MTTP: variants seen among roughly 807,000 people sequenced by gnomAD.
The protein encoded by MTTP is microsomal triglyceride transfer protein.
In MTTP, 49 loss-of-function variants were observed where a neutral mutation model predicts 90.6. The ratio of observed to expected loss-of-function variants is 0.54; its 90% CI spans 0.43 to 0.69. The LOEUF is 0.69. Ranked by LOEUF, MTTP falls within the 30% of genes least tolerant of loss-of-function variation. The probability of loss-of-function intolerance (pLI) is 0.00; values close to 1 mark genes in which losing one functional copy is unlikely to be tolerated. For synonymous variants in MTTP, 347 were observed against 384.2 expected, an observed-to-expected ratio of 0.90 and a Z score of 1.13; for missense variants, 945 against 1,067.5, an observed-to-expected ratio of 0.89 and a Z score of 1.60.
chr4:99,583,332 T>C, intron 2 of MTTP, 42 bp from the exon 3 acceptor site: 3 of 1,603,428 alleles, frequency 1.9e-6, no homozygotes, highest in Non-Finnish European at 2.6e-6. Flanking sequence ...TGAAGACAGA[T>C]ATAGGAAGTT....
At chr4:99,596,259 A>G (rs1725549513) in intron 7 of MTTP, among the ~76,000 whole-genome samples, 1 of 152,144 alleles carries the variant, frequency 6.6e-6, no homozygotes, top group African/African-American at 2.4e-5. Context: ...ATTACTATAG[A>G]GTTAGAGAGT....
intron 3 of MTTP, among the ~76,000 whole-genome samples, chr4:99,586,469 T>A (rs937151470): frequency 3.3e-5 from 5 of 152,122 alleles, no homozygotes; most frequent in Non-Finnish European, 7.4e-5. Flanking sequence ...CTTTATTTTG[T>A]ATTGTTTCCG....
In MTTP at chr4:99,583,491, A is replaced by G. The variant is rs148222614; in HGVS notation, c.367A>G (p.Thr123Ala). ...AAACTTGGAAGCTCTGCAAAGACCT[A>G]CGCTCCTTCATCTAATCCATGGAAA... ...KENLEALQRPTLLHLIHGKVK... is the reference protein window; with the variant it reads ...KENLEALQRPALLHLIHGKVK... Residue 123 changes from threonine (T) to alanine (A), a missense_variant, in exon 3 of 18, where the codon ACG becomes GCG. Physicochemically the swap from Thr to Ala is moderately conservative, Grantham distance 58. Transcript: ENST00000265517. 4.3e-6 allele frequency: 7 copies of G among 1,613,530 alleles called. No homozygotes were observed. In the African/African-American group the frequency reaches 6.7e-5, roughly 15 times the overall value.
At position 99,623,162 on chromosome 4, in the gene MTTP, A is replaced by G. The variant is rs886628054; in HGVS notation, c.*314A>G. On this transcript the variant is annotated 3_prime_UTR_variant, in exon 18 of 18. Coordinates refer to ENST00000265517, the MANE Select transcript of MTTP (RefSeq NM_001386140.1). ...ACTAGTGTTTGTTAAAAACAAAAAT[A>G]AAAACAAAACCACACAAGGAGAACC... 2.7e-6 allele frequency: 1 copy of G among 377,184 alleles called. No individual in the cohort carries two copies. The highest frequency in any genetic ancestry group is 5.0e-6 in the Non-Finnish European group (1 of 200,998). 23.4% of individuals were successfully genotyped at this position (377,184 alleles called of 1,614,324 possible). A position where few individuals can be genotyped will look rare whatever the true frequency, so the allele number is the denominator to read the frequency against.
chr4:99,572,373 T>G (rs138318141), upstream of MTTP, among the ~76,000 whole-genome samples: 1,320 of 152,160 alleles, frequency 8.7e-3, 21 homozygotes, highest in African/African-American at 0.026. Context: ...GATGACTTAT[T>G]ATGAAGACAG....
chr4:99,600,764 C>A (rs1372184450), intron 9 of MTTP, 31 bp downstream of exon 9: 3 of 1,603,992 alleles, frequency 1.9e-6, no homozygotes, highest in Non-Finnish European at 2.6e-6. Flanking sequence ...AGACCCTCAA[C>A]TCCTATAAAA....
intron 1 of MTTP, among the ~76,000 whole-genome samples, chr4:99,578,371 A>G (rs1578232301): frequency 6.6e-6 from 1 of 152,230 alleles, no homozygotes; most frequent in South Asian, 2.1e-4. Context: ...AATTAAGTCA[A>G]CAATATAAAT....
chr4:99,564,797 T>C (rs1046733220), intron 1 of MTTP, among the ~76,000 whole-genome samples: 1 of 152,232 alleles, frequency 6.6e-6, no homozygotes, highest in African/African-American at 2.4e-5. Context: ...TAAATTATCC[T>C]TGAAGATATT....
Position 99,620,944 on chromosome 4 carries a change from A to C in MTTP, c.2343-117A>C. ...ATCCAGGTCACCTCTGAATCCCTTA[A>C]GTGTTTCCTTCCAGTCACTGGCATC... On this transcript the variant is annotated intron_variant, in intron 16 of 17. Transcript: ENST00000265517. 3.1e-6 allele frequency: 3 copies of C among 967,564 alleles called. No individual in the cohort carries two copies. In the South Asian group the frequency reaches 4.6e-5, roughly 15 times the overall value. The allele number at this position is 967,564 out of a possible 1,614,324, so 59.9% of individuals were successfully genotyped here.
chr4:99,611,287 C>T, intron 13 of MTTP, 45 bp from the exon 14 acceptor site: 1 of 1,613,984 alleles, frequency 6.2e-7, no homozygotes. Context: ...CACAACTTAG[C>T]ATTGCTGGAA....
chr4:99,581,665 G>A (rs28595160), intron 1 of MTTP, among the ~76,000 whole-genome samples: 2 of 151,808 alleles, frequency 1.3e-5, no homozygotes, highest in Admixed American at 6.6e-5. Context: ...TGGCACTATC[G>A]GATAAGTGAT....
intron 6 of MTTP, among the ~76,000 whole-genome samples, chr4:99,593,874 C>A (rs1725487236): frequency 6.6e-6 from 1 of 152,008 alleles, no homozygotes; most frequent in Non-Finnish European, 1.5e-5. Context: ...ATGTAACAAC[C>A]CCAGATTTAG....
chr4:99,580,926 CA>C (rs1165145412), intron 1 of MTTP, among the ~76,000 whole-genome samples: 1 of 152,106 alleles, frequency 6.6e-6, no homozygotes, highest in Non-Finnish European at 1.5e-5. Context: ...CTAGTCACCC[CA>C]AACCCCTTTT....
In MTTP at chr4:99,597,075, G is replaced by T. The variant is rs952126453; in HGVS notation, c.918G>T (p.Glu306Asp). Reference protein sequence around the residue: ...SHCKGCPSLSELWRSTRKYLQ... With the variant: ...SHCKGCPSLSDLWRSTRKYLQ... ...CAGTGTATGTTTTGCAGCTCTCGGA[G>T]CTCTGGCGGTCCACCAGGAAATACC... The change falls in exon 8 of 18, where the codon GAG becomes GAT. Residue 306 changes from glutamate (E) to aspartate (D), a missense_variant. Coordinates refer to ENST00000265517, the MANE Select transcript of MTTP (RefSeq NM_001386140.1). The T allele has an allele frequency of 6.2e-7, 1 of 1,613,902 alleles. No individual in the cohort carries two copies.
At position 99,613,009 on chromosome 4, in the gene MTTP, C is replaced by G. The variant is rs779837948; in HGVS notation, c.2086C>G (p.Leu696Val). 6 of 1,614,090 alleles carry G rather than the reference C, an allele frequency of 3.7e-6. No homozygotes were observed. In the East Asian group the frequency reaches 1.3e-4, roughly 36 times the overall value. ...LDSYAGMSAILFDVQLRPVTF... is the reference protein window; with the variant it reads ...LDSYAGMSAIVFDVQLRPVTF... ...CTCCTATGCTGGTATGTCAGCCATC[C>G]TCTTTGATGTTCAGCTCAGACCTGT... Residue 696 changes from leucine to valine, a missense_variant, in exon 15 of 18, where the codon CTC (leucine) becomes GTC (valine). Coordinates refer to ENST00000265517, the MANE Select transcript of MTTP (RefSeq NM_001386140.1).
chr4:99,598,521 A>T (rs927815435), intron 8 of MTTP, among the ~76,000 whole-genome samples: 3 of 152,168 alleles, frequency 2.0e-5, no homozygotes, highest in Non-Finnish European at 2.9e-5. Context: ...CAGATTATTT[A>T]TACAATATTG....
At chr4:99,601,321 CTT>C (rs34811849) in intron 9 of MTTP, among the ~76,000 whole-genome samples, 40 of 128,162 alleles carry the variant, frequency 3.1e-4, no homozygotes, top group South Asian at 5.0e-4. Context: ...CTCACCCCTC[CTT>C]TTTTTTTTTT....
chr4:99,597,002 C>T lies in MTTP; in HGVS notation c.910-65C>T, dbSNP rs1725569095. 5 of 1,597,596 alleles carry T rather than the reference C, an allele frequency of 3.1e-6. No individual in the cohort carries two copies. The Admixed American group carries it at 5.0e-5, about 16-fold the overall frequency. On this transcript the variant is annotated intron_variant, in intron 7 of 17. Transcript: ENST00000265517. ...GGGACATTTTATTCCTAGGAGAACA[C>T]CCTTTGTAAATGTGGATGTTCACAG...
At chr4:99,565,131 G>C (rs1236060145) in intron 1 of MTTP, among the ~76,000 whole-genome samples, 2 of 152,158 alleles carry the variant, frequency 1.3e-5, no homozygotes, top group African/African-American at 2.4e-5. Flanking sequence ...TTAGTAATTG[G>C]ATATGTAGCC....
Sources: gnomAD v4.1 joint callset for allele counts (sites outside exome capture counted in the v4.1 genomes callset) on GRCh38, gnomAD v4.1.1 for gene constraint, MANE v1.5 for transcripts, NCBI Gene and HGNC (gene_info 2026-07-23, HGNC 2026-07-21) for gene names.